Variants in PCDHGA3 observed in about 807,000 individuals in gnomAD.
The protein encoded by PCDHGA3 is protocadherin gamma subfamily A, 3.
In PCDHGA3, 40 loss-of-function variants were observed where a neutral mutation model predicts 58.5. The observed-to-expected ratio is 0.68, with a 90% CI of 0.53 to 0.89. The LOEUF is 0.89. Among genes scored for constraint, PCDHGA3 ranks in the 40% least tolerant of loss-of-function variants. PCDHGA3 has a pLI of 0.00. For synonymous variants in PCDHGA3, 530 were observed against 525.7 expected (o/e 1.01, Z -0.11); for missense variants, 1,223 against 1,195.9 (o/e 1.02, Z -0.33).
At position 141,345,187 on chromosome 5, in the gene PCDHGA3, T is replaced by TAA. The variant is rs751711051; in HGVS notation, c.1154_1155insAA (p.Phe385LeufsTer11). The TAA allele has an allele frequency of 6.2e-7, 1 of 1,614,016 alleles. No individual in the cohort carries two copies. Among genetic ancestry groups the TAA allele is most frequent in the Non-Finnish European group, 8.5e-7 (1 of 1,179,892 alleles). On this transcript the variant is annotated frameshift_variant, in exon 1 of 4. Transcript: ENST00000253812. LOFTEE classifies it high-confidence loss of function. ...GGGCAGAATGGGCAGGTTGAAGTTTTTGTCCTGGGAAATCTGCCATTTAAG... is the reference window on the plus strand; with the variant it reads ...GGGCAGAATGGGCAGGTTGAAGTTTTAATGTCCTGGGAAATCTGCCATTTAAG...
In PCDHGA3 at chr5:141,486,645, C is replaced by G. The variant is rs369948556; in HGVS notation, c.2425-8162C>G. ...GACTCTGGCTTGAATGCGCTTATCT[C>G]CTACTCACTCCTGGAGCCCAGGAAT... On this transcript the variant is annotated intron_variant, in intron 1 of 3. Coordinates refer to ENST00000253812, the MANE Select transcript of PCDHGA3 (RefSeq NM_018916.4). The surrounding 1 kb of genome is among the most constrained non-coding windows in gnomAD (Gnocchi z 5.0). 4.3e-6 allele frequency: 7 copies of G among 1,613,752 alleles called. No individual in the cohort carries two copies. The Admixed American group carries it at 6.7e-5, about 15-fold the overall frequency.
At chr5:141,365,626 C>T in intron 1 of PCDHGA3, 2 of 1,613,678 alleles carry the variant, frequency 1.2e-6, no homozygotes, top group Non-Finnish European at 8.5e-7. Flanking sequence ...CCCCGCCCCT[C>T]TCTACAGAAA....
At chr5:141,376,530 G>A (rs200613052) in intron 1 of PCDHGA3, 1 of 1,613,668 alleles carries the variant, frequency 6.2e-7, no homozygotes, top group Admixed American at 1.7e-5. Context: ...CCGCCTAAGC[G>A]GGAAGAGTAA....
At chr5:141,410,351 C>G in intron 1 of PCDHGA3, 1 of 1,614,066 alleles carries the variant, frequency 6.2e-7, no homozygotes. Flanking sequence ...GCGCCTGCGA[C>G]GCTCTCTCAG....
In PCDHGA3 at chr5:141,384,747, CTT is replaced by C. The variant is rs1040265836; in HGVS notation, c.2424+38292_2424+38293del. Reference sequence around the variant, plus strand: ...TGCTTAAGGCCAGCGAGCCAGGACTCTTTGCGGTTGGGCTGTACACGGGCGAG... The same window carrying C: ...TGCTTAAGGCCAGCGAGCCAGGACTCTGCGGTTGGGCTGTACACGGGCGAG... On this transcript the variant is annotated intron_variant, in intron 1 of 3. Coordinates refer to ENST00000253812, the MANE Select transcript of PCDHGA3 (RefSeq NM_018916.4). 2.2e-5 allele frequency: 35 copies of C among 1,614,060 alleles called. No individual in the cohort carries two copies. In the Admixed American group the frequency reaches 3.5e-4, roughly 16 times the overall value.
intron 1 of PCDHGA3, chr5:141,364,133 C>A: frequency 2.1e-6 from 1 of 484,590 alleles, no homozygotes. Context: ...CGCTGTTGAC[C>A]AAAGTGGGAA....
chr5:141,353,696 T>A (rs1189851065), intron 1 of PCDHGA3, among the ~76,000 whole-genome samples: 1 of 152,250 alleles, frequency 6.6e-6, no homozygotes, highest in East Asian at 1.9e-4. Context: ...GCGTTTTCCA[T>A]ACTTCTTGTT....
intron 1 of PCDHGA3, chr5:141,414,799 G>T (rs1177065576): frequency 1.9e-6 from 3 of 1,614,096 alleles, no homozygotes; most frequent in Non-Finnish European, 2.5e-6. Flanking sequence ...CAGCGACAGC[G>T]GGGATCCTCC....
In PCDHGA3 at chr5:141,350,137, G is replaced by T. The variant is rs1758414298; in HGVS notation, c.2424+3680G>T. 1.3e-5 allele frequency: 10 copies of T among 769,996 alleles called. 1 individual carries two copies. In the South Asian group the frequency reaches 3.3e-4, roughly 26 times the overall value. 47.7% of individuals were successfully genotyped at this position (769,996 alleles called of 1,614,324 possible). A position where few individuals can be genotyped will look rare whatever the true frequency, so the allele number is the denominator to read the frequency against. ...GTCCGGTGCACTGAGCACAGACGCT[G>T]CTCCTGTTCACCCTCGAGCGCCTAA... On this transcript the variant is annotated intron_variant, in intron 1 of 3. Coordinates refer to ENST00000253812, the MANE Select transcript of PCDHGA3 (RefSeq NM_018916.4).
chr5:141,403,212 C>T (rs755734755), intron 1 of PCDHGA3: 8 of 1,613,834 alleles, frequency 5.0e-6, no homozygotes, highest in East Asian at 2.2e-5. Context: ...TTGGTCACCG[C>T]GGGTAGGATA....
chr5:141,428,731 A>G (rs1290064919), intron 1 of PCDHGA3: 1 of 159,494 alleles, frequency 6.3e-6, no homozygotes, highest in Non-Finnish European at 1.4e-5. Context: ...TCTTAAACAT[A>G]TTATATCTAC....
chr5:141,405,444 G>A, intron 1 of PCDHGA3: 1 of 1,379,466 alleles, frequency 7.2e-7, no homozygotes, highest in South Asian at 1.3e-5. Flanking sequence ...TTTTGAGACA[G>A]AGTCTTACTC....
intron 1 of PCDHGA3, chr5:141,395,240 G>A: frequency 6.3e-7 from 1 of 1,589,850 alleles, no homozygotes; most frequent in Non-Finnish European, 8.6e-7. Context: ...ATGGTCAGGT[G>A]AGTTTAGTTC....
At chr5:141,381,889 G>T (rs1385598954) in intron 1 of PCDHGA3, among the ~76,000 whole-genome samples, 1 of 132,634 alleles carries the variant, frequency 7.5e-6, no homozygotes, top group Non-Finnish European at 1.5e-5. Context: ...GAGTGCAATG[G>T]TGTGATCTCG....
rs2099756055 is a variant in PCDHGA3, at chr5:141,494,679, C to T, written c.2425-128C>T. The T allele has an allele frequency of 3.9e-6, 6 of 1,556,494 alleles. No homozygotes were observed. In the South Asian group the frequency reaches 4.7e-5, roughly 12 times the overall value. ...GTCTTTGGAGATGAGTCCACCCCTG[C>T]CCCCTCTTAGTCCGTTTTCTTCTCT... is the stretch of plus-strand genomic sequence containing the variant. On this transcript the variant is annotated intron_variant, in intron 1 of 3. Coordinates refer to ENST00000253812, the MANE Select transcript of PCDHGA3 (RefSeq NM_018916.4).
rs374154790 is a variant in PCDHGA3, at chr5:141,490,709, C to A, written c.2425-4098C>A. The A allele has an allele frequency of 3.2e-5, 52 of 1,614,218 alleles. No homozygotes were observed. In the African/African-American group the frequency reaches 6.3e-4, roughly 19 times the overall value. On this transcript the variant is annotated intron_variant, in intron 1 of 3. Coordinates refer to ENST00000253812, the MANE Select transcript of PCDHGA3 (RefSeq NM_018916.4). The surrounding 1 kb of genome is among the most constrained non-coding windows in gnomAD (Gnocchi z 5.4). ...GACACTGGGGATAATGCCCGCCTCA[C>A]CTACTCCATTGTAGGAAATCAGGTT...
chr5:141,345,904 G>C lies in PCDHGA3; in HGVS notation c.1871G>C (p.Gly624Ala), dbSNP rs1319901712. ...CTCTTCTCGGTGGGTCTGCACACGGGCGAGGTGCGCACGGCGCGAGCCCTG... is the reference window on the plus strand; with the variant it reads ...CTCTTCTCGGTGGGTCTGCACACGGCCGAGGTGCGCACGGCGCGAGCCCTG... ...PGLFSVGLHT[G>A]EVRTARALLD... The change falls in exon 1 of 4, where the codon GGC becomes GCC. Residue 624 changes from glycine to alanine, a missense_variant. This residue lies in a region of PCDHGA3 where 107 missense variants were observed against 159.8 expected (regional missense o/e 0.67). Transcript: ENST00000253812. The C allele has an allele frequency of 1.9e-6, 3 of 1,612,396 alleles. No homozygotes were observed. The highest frequency in any genetic ancestry group is 2.7e-5 in the African/African-American group (2 of 74,626).
Position 141,431,706 on chromosome 5 carries a change from A to T in PCDHGA3, c.2425-63101A>T. The T allele has an allele frequency of 6.2e-7, 1 of 1,614,248 alleles. No homozygotes were observed. The highest frequency in any genetic ancestry group is 8.5e-7 in the Non-Finnish European group (1 of 1,180,048). On this transcript the variant is annotated intron_variant, in intron 1 of 3. Coordinates refer to ENST00000253812, the MANE Select transcript of PCDHGA3 (RefSeq NM_018916.4). The surrounding 1 kb of genome is among the most constrained non-coding windows in gnomAD (Gnocchi z 4.8). ...GACCACGAGGAGTCAGGATTCTACC[A>T]GATGGAAGTGCAAGCAATGGATAAT...
intron 1 of PCDHGA3, chr5:141,388,479 C>A (rs1345463224): frequency 6.2e-7 from 1 of 1,613,770 alleles, no homozygotes. Context: ...ATTGAAGACA[C>A]CTTTGGACAG....
Sources: gnomAD v4.1 joint callset for allele counts (sites outside exome capture counted in the v4.1 genomes callset) on GRCh38, gnomAD v4.1.1 for gene constraint, gnomAD v4.1.1 regional missense constraint, Gnocchi (gnomAD v3.1) non-coding constraint, MANE v1.5 for transcripts, NCBI Gene and HGNC (gene_info 2026-07-23, HGNC 2026-07-21) for gene names.